TTC6: variants seen among roughly 807,000 people sequenced by gnomAD.
TTC6 encodes the protein tetratricopeptide repeat domain 6, also known as tetratricopeptide repeat protein 6.
TTC6 carries 172 observed loss-of-function variants against 210.4 expected under a neutral mutation model. The ratio of observed to expected loss-of-function variants is 0.82; its 90% CI spans 0.72 to 0.93. The LOEUF is 0.93. Among genes scored for constraint, TTC6 ranks in the 40% least tolerant of loss-of-function variants. TTC6 has a pLI of 0.00. For missense variants in TTC6, 2,414 were observed against 2,318.1 expected (o/e 1.04, Z -0.85); for synonymous variants, 804 against 819.6 (o/e 0.98, Z 0.32).
intron 14 of TTC6, among the ~76,000 whole-genome samples, chr14:37,774,154 T>A (rs1485937727): frequency 6.6e-6 from 1 of 152,178 alleles, no homozygotes; most frequent in African/African-American, 2.4e-5. Context: ...ATCAATGAAA[T>A]TTTGGGCAGA....
chr14:37,700,725 G>C (rs1417107613), intron 4 of TTC6, among the ~76,000 whole-genome samples: 1 of 135,460 alleles, frequency 7.4e-6, no homozygotes, highest in African/African-American at 2.7e-5. Context: ...CCTGAGACTG[G>C]GTGACAGAGT....
chr14:37,599,863 C>A (rs1347208747), intron 1 of TTC6, among the ~76,000 whole-genome samples: 2 of 152,160 alleles, frequency 1.3e-5, no homozygotes, highest in Non-Finnish European at 1.5e-5. Context: ...AGACCTGGGT[C>A]CCCGCGGCCG....
chr14:37,818,251 A>G (rs1015266280), intron 26 of TTC6, among the ~76,000 whole-genome samples: 8 of 152,094 alleles, frequency 5.3e-5, no homozygotes, highest in Non-Finnish European at 8.8e-5. Flanking sequence ...CATAAGGTTA[A>G]AATATAGAAG....
Position 37,677,223 on chromosome 14 carries a change from T to A in TTC6, c.940-2928T>A, listed in dbSNP as rs1451958689. 3.3e-5 allele frequency among the ~76,000 whole-genome samples: 5 copies of A among 152,186 alleles called. No homozygotes were observed. In the South Asian group the frequency reaches 1.0e-3, roughly 32 times the overall value. ...GATGCCTTTCCTTTCATTTAGGACT[T>A]CTTTAATTTCTTTCAGCAATATTTT... is the stretch of plus-strand genomic sequence containing the variant. On this transcript the variant is annotated intron_variant, in intron 1 of 30. Transcript: ENST00000553443.
intron 26 of TTC6, among the ~76,000 whole-genome samples, chr14:37,818,446 A>C (rs1002303783): frequency 1.3e-5 from 2 of 152,078 alleles, no homozygotes; most frequent in Non-Finnish European, 2.9e-5. Context: ...TGGTTAAATA[A>C]TAGTTTATAG....
chr14:37,785,429 T>G (rs930208063), intron 14 of TTC6, among the ~76,000 whole-genome samples: 12 of 152,248 alleles, frequency 7.9e-5, no homozygotes, highest in African/African-American at 2.9e-4. Context: ...AGCTTGTGCA[T>G]GCATCACGTA....
intron 6 of TTC6, among the ~76,000 whole-genome samples, chr14:37,719,496 G>T (rs1230839209): frequency 1.3e-5 from 2 of 151,784 alleles, no homozygotes; most frequent in East Asian, 3.9e-4. Context: ...CTTGGTGGAT[G>T]GACAGGCCTG....
chr14:37,840,544 A>C (rs2096207581), intron 29 of TTC6, among the ~76,000 whole-genome samples: 2 of 152,172 alleles, frequency 1.3e-5, no homozygotes. Context: ...CAAAACAAAA[A>C]AAAAAGAAAT....
chr14:37,749,400 G>T, exon 11 of TTC6: 2 of 1,407,646 alleles, frequency 1.4e-6, no homozygotes, highest in Non-Finnish European at 9.2e-7. Flanking sequence ...GATCTGCAGA[G>T]AGTAAGTTTT....
At position 37,826,435 on chromosome 14, in the gene TTC6, T is replaced by C. The variant is rs779753618; in HGVS notation, c.5127+88T>C. 4 of 1,174,020 alleles carry C rather than the reference T, an allele frequency of 3.4e-6. 1 individual carries two copies. The highest frequency in any genetic ancestry group is 6.0e-5 in the Admixed American group (2 of 33,364). The allele number at this position is 1,174,020 out of a possible 1,614,324, so 72.7% of individuals were successfully genotyped here. ...AAGTAAGAAGTTCTCTGTTAGCTTT[T>C]TAAAGTGACTTATGGAGAAAATAAT... is the stretch of plus-strand genomic sequence containing the variant. On this transcript the variant is annotated intron_variant, in intron 28 of 30. Transcript: ENST00000553443.
chr14:37,767,591 A>G lies in TTC6; in HGVS notation c.3266+14356A>G, dbSNP rs535588914. Among the ~76,000 whole-genome samples the G allele has an allele frequency of 3.9e-5, 6 of 152,326 alleles. 1 individual carries two copies. The South Asian group carries it at 1.2e-3, about 32-fold the overall frequency. On this transcript the variant is annotated intron_variant, in intron 14 of 30. Transcript: ENST00000553443. ...TTTCATGTGTTTTTTGGCTACATAA[A>G]TGTCTTCTTTTGAGAAGTGTCTGTT...
At position 37,812,610 on chromosome 14, in the gene TTC6, G is replaced by A. The variant is rs1314520343; in HGVS notation, c.4689+177G>A. 3.0e-5 allele frequency among the ~76,000 whole-genome samples: 4 copies of A among 132,806 alleles called. No individual in the cohort carries two copies. In the East Asian group the frequency reaches 7.7e-4, roughly 26 times the overall value. 87.1% of individuals were successfully genotyped at this position (132,806 alleles called of 152,430 possible). A position where few individuals can be genotyped will look rare whatever the true frequency, so the allele number is the denominator to read the frequency against. On this transcript the variant is annotated intron_variant, in intron 25 of 30. Coordinates refer to ENST00000553443, the Ensembl canonical transcript of TTC6. ...GCTCTTTGAAAAAATGTATATTTTT[G>A]CTTTGTTTGGATTACAGATAAACAG...
chr14:37,734,629 T>C lies in TTC6; in HGVS notation c.1819-1292T>C, dbSNP rs148255299. Among the ~76,000 whole-genome samples the C allele has an allele frequency of 2.0e-5, 3 of 152,312 alleles. No homozygotes were observed. In the East Asian group the frequency reaches 5.8e-4, roughly 29 times the overall value. On this transcript the variant is annotated intron_variant, in intron 7 of 30. Transcript: ENST00000553443. ...TCATTATTGACTTTTAAGGAAACTGTTTCCATTTCTGTTTGCATCCCAGCT... is the reference window on the plus strand; with the variant it reads ...TCATTATTGACTTTTAAGGAAACTGCTTCCATTTCTGTTTGCATCCCAGCT...
Position 37,727,291 on chromosome 14 carries a change from A to ATTTTTTTTTTT in TTC6, c.1818+2302_1818+2312dup, listed in dbSNP as rs368293440. Among the ~76,000 whole-genome samples the ATTTTTTTTTTT allele has an allele frequency of 6.5e-3, 600 of 92,210 alleles. 9 individuals carry two copies. Among genetic ancestry groups the ATTTTTTTTTTT allele is most frequent in the Non-Finnish European group, 0.011 (502 of 45,608 alleles). The allele number at this position is 92,210 out of a possible 152,430, so 60.5% of individuals were successfully genotyped here. A position where few individuals can be genotyped will look rare whatever the true frequency, so the allele number is the denominator to read the frequency against. On this transcript the variant is annotated intron_variant, in intron 7 of 30. Transcript: ENST00000553443. ...GACATTCTATGTTGGTATTTTTCTA[A>ATTTTTTTTTTT]TTTTTTTTTTTTTTTTTTTTTTTGA...
intron 24 of TTC6, among the ~76,000 whole-genome samples, chr14:37,809,137 A>G (rs143209369): frequency 6.6e-6 from 1 of 152,318 alleles, no homozygotes; most frequent in African/African-American, 2.4e-5. Context: ...TTCTGAAAGA[A>G]GTCAAATGAA....
At chr14:37,802,794 G>A (rs1396611165) in intron 20 of TTC6, among the ~76,000 whole-genome samples, 3 of 150,344 alleles carry the variant, frequency 2.0e-5, no homozygotes, top group South Asian at 4.2e-4. Context: ...GTGCAGTGGC[G>A]CAATCTCAGC....
chr14:37,631,986 A>C (rs185995427), intron 1 of TTC6, among the ~76,000 whole-genome samples: 50 of 152,224 alleles, frequency 3.3e-4, no homozygotes, highest in Admixed American at 1.8e-3. Context: ...GTTCTTCTCT[A>C]AACTGGTTAT....
chr14:37,702,554 A>G (rs2095827543), intron 5 of TTC6, among the ~76,000 whole-genome samples: 1 of 152,182 alleles, frequency 6.6e-6, no homozygotes, highest in South Asian at 2.1e-4. Context: ...TTCAGAAGCC[A>G]TGGTAAAAAT....
chr14:37,823,802 C>T (rs1273906744), exon 27 of TTC6: 2 of 1,613,786 alleles, frequency 1.2e-6, no homozygotes, highest in South Asian at 2.2e-5. Flanking sequence ...TAAAATTAAC[C>T]CATGTTTTCT....
Sources: allele counts gnomAD v4.1 joint callset (sites outside exome capture counted in the v4.1 genomes callset), GRCh38; gene constraint gnomAD v4.1.1; transcripts MANE v1.5; gene names NCBI Gene and HGNC (gene_info 2026-07-23, HGNC 2026-07-21).